SCARA5: variants seen among roughly 807,000 people sequenced by gnomAD.
SCARA5 encodes the protein scavenger receptor class A, member 5 (putative).
SCARA5 carries 45 observed loss-of-function variants against 46.3 expected under a neutral mutation model. The ratio of observed to expected loss-of-function variants is 0.97; its 90% CI spans 0.76 to 1.24. The LOEUF is 1.24. Among genes scored for constraint, SCARA5 ranks in the 50% most tolerant of loss-of-function variants. SCARA5 has a pLI of 0.00. For synonymous variants in SCARA5, 333 were observed against 306.5 expected (o/e 1.09, Z -0.90); for missense variants, 680 against 689.0 (o/e 0.99, Z 0.15).
chr8:27,917,184 C>T (rs1350935186), intron 4 of SCARA5, among the ~76,000 whole-genome samples: 1 of 152,204 alleles, frequency 6.6e-6, no homozygotes, highest in Admixed American at 6.5e-5. Flanking sequence ...CAGATGGATA[C>T]ACCCATCAAG....
chr8:27,977,242 G>T (rs1056349434), intron 2 of SCARA5, among the ~76,000 whole-genome samples: 1 of 152,136 alleles, frequency 6.6e-6, no homozygotes, highest in East Asian at 1.9e-4. Flanking sequence ...ATCACTTTGG[G>T]CATTAGGATT....
chr8:27,961,057 T>C (rs1343964926), intron 3 of SCARA5, among the ~76,000 whole-genome samples: 1 of 152,212 alleles, frequency 6.6e-6, no homozygotes, highest in East Asian at 1.9e-4. Flanking sequence ...GGCTAAACCC[T>C]AGGTTATGCT....
At chr8:27,986,383 C>T (rs1401215522) in intron 2 of SCARA5, among the ~76,000 whole-genome samples, 1 of 152,226 alleles carries the variant, frequency 6.6e-6, no homozygotes, top group African/African-American at 2.4e-5. Context: ...CAGTTGTTCC[C>T]ATGCCAGCCT....
intron 2 of SCARA5, among the ~76,000 whole-genome samples, chr8:27,970,735 A>G (rs1808435700): frequency 6.6e-6 from 1 of 151,996 alleles, no homozygotes; most frequent in Non-Finnish European, 1.5e-5. Flanking sequence ...GAACCCTCCA[A>G]TTTTGGGGCT....
chr8:27,944,988 A>C (rs2129881751), intron 3 of SCARA5, among the ~76,000 whole-genome samples: 1 of 152,232 alleles, frequency 6.6e-6, no homozygotes, highest in Middle Eastern at 3.4e-3. Flanking sequence ...CAACATGGCA[A>C]AACCATCTCT....
At chr8:27,931,210 G>C (rs978696999) in intron 3 of SCARA5, among the ~76,000 whole-genome samples, 1 of 152,246 alleles carries the variant, frequency 6.6e-6, no homozygotes, top group Non-Finnish European at 1.5e-5. Context: ...GAGAAAACCA[G>C]GGCCTGCACT....
chr8:27,991,891 GCA>G (rs941352664), intron 1 of SCARA5, among the ~76,000 whole-genome samples: 10 of 149,828 alleles, frequency 6.7e-5, no homozygotes, highest in South Asian at 2.1e-4. Context: ...ACACACACAT[GCA>G]CACACACACA....
Position 27,921,990 on chromosome 8 carries a change from G to T in SCARA5, c.497C>A (p.Ala166Glu). ...CGTGCGGTCCCGCAGCAGGGCCACC[G>T]CCTGCTCGGTCTGCACCGCCTGCGC... ...LQAQAVQTEQ[A>E]VALLRDRTGQ... Residue 166 changes from alanine (A) to glutamate (E), a missense_variant, in exon 4 of 9, where the codon GCG (alanine) becomes GAG (glutamate). By Grantham distance (107) the Ala-to-Glu change is moderately radical. Around this residue, in one of 3 missense-constraint regions of SCARA5, gnomAD observed 438 missense variants for 384.5 expected, o/e 1.14. Coordinates refer to ENST00000354914, the MANE Select transcript of SCARA5 (RefSeq NM_173833.6). 6.4e-7 allele frequency: 1 copy of T among 1,552,988 alleles called. No homozygotes were observed. Among genetic ancestry groups the T allele is most frequent in the Non-Finnish European group, 8.6e-7 (1 of 1,158,020 alleles).
At chr8:27,916,018 T>G (rs986046360) in intron 4 of SCARA5, among the ~76,000 whole-genome samples, 1 of 152,228 alleles carries the variant, frequency 6.6e-6, no homozygotes, top group Non-Finnish European at 1.5e-5. Flanking sequence ...TGTGATGATC[T>G]AAGTTCTCTG....
chr8:27,887,360 C>T (rs1332233649), intron 7 of SCARA5, among the ~76,000 whole-genome samples: 1 of 152,114 alleles, frequency 6.6e-6, no homozygotes, highest in African/African-American at 2.4e-5. Context: ...CACACTTTTC[C>T]TCTTGTTCTG....
chr8:27,974,271 C>T lies in SCARA5; in HGVS notation c.113-7729G>A, dbSNP rs145049157. Among the ~76,000 whole-genome samples the T allele has an allele frequency of 2.8e-4, 42 of 152,288 alleles. No individual in the cohort carries two copies. The East Asian group carries it at 7.9e-3, about 29-fold the overall frequency. Reference sequence around the variant, plus strand: ...CTGTGAGAACCATGAGCGAGTATTCCAGCAGTCCCCTTCATCAAAATGTCC... The same window carrying T: ...CTGTGAGAACCATGAGCGAGTATTCTAGCAGTCCCCTTCATCAAAATGTCC... On this transcript the variant is annotated intron_variant, in intron 2 of 8. Coordinates refer to ENST00000354914, the MANE Select transcript of SCARA5 (RefSeq NM_173833.6).
At chr8:27,968,466 A>G (rs1159386618) in intron 2 of SCARA5, among the ~76,000 whole-genome samples, 4 of 152,092 alleles carry the variant, frequency 2.6e-5, no homozygotes, top group African/African-American at 4.8e-5. Context: ...TTTACCATAC[A>G]CTAGGCTCTA....
chr8:27,918,646 GGAGGAAAAGGAAGAT>G (rs1807511682), intron 4 of SCARA5, among the ~76,000 whole-genome samples: 38 of 1,210 alleles, frequency 0.031, no homozygotes, highest in Non-Finnish European at 0.041. Flanking sequence ...AAGATGAGGA[GGAGGAAAAGGAAGAT>G]GAGGAGGAAA....
intron 5 of SCARA5, among the ~76,000 whole-genome samples, chr8:27,908,352 G>T (rs558170146): frequency 5.9e-5 from 9 of 152,288 alleles, no homozygotes; most frequent in African/African-American, 2.2e-4. Flanking sequence ...TGACGGTGCC[G>T]GCGCCATGCA....
intron 3 of SCARA5, among the ~76,000 whole-genome samples, chr8:27,941,895 C>T (rs774796284): frequency 2.3e-4 from 35 of 151,440 alleles, no homozygotes; most frequent in African/African-American, 5.8e-4. Flanking sequence ...GATGTGATCT[C>T]GGCTCACTGC....
intron 7 of SCARA5, among the ~76,000 whole-genome samples, chr8:27,890,421 T>TA (rs527503173): frequency 6.6e-6 from 1 of 152,244 alleles, no homozygotes; most frequent in African/African-American, 2.4e-5. Context: ...GCACATATAC[T>TA]ATTTTCCCTT....
At chr8:27,985,298 G>T (rs1424206030) in intron 2 of SCARA5, among the ~76,000 whole-genome samples, 1 of 152,036 alleles carries the variant, frequency 6.6e-6, no homozygotes, top group East Asian at 1.9e-4. Flanking sequence ...GTGGGAGGGG[G>T]CAGTAATGCA....
chr8:27,879,232 A>C (rs1806770555), intron 8 of SCARA5, among the ~76,000 whole-genome samples: 1 of 152,234 alleles, frequency 6.6e-6, no homozygotes, highest in African/African-American at 2.4e-5. Flanking sequence ...TAATAGAGAC[A>C]TGAGAGCACG....
intron 3 of SCARA5, among the ~76,000 whole-genome samples, chr8:27,947,623 T>C (rs1808058584): frequency 6.7e-6 from 1 of 149,548 alleles, no homozygotes; most frequent in Admixed American, 6.7e-5. Flanking sequence ...AATAAACCAG[T>C]CATAAAGGCT....
Sources: allele counts gnomAD v4.1 joint callset (sites outside exome capture counted in the v4.1 genomes callset), GRCh38; gene constraint gnomAD v4.1.1; regional missense constraint gnomAD v4.1.1; transcripts MANE v1.5; gene names NCBI Gene and HGNC (gene_info 2026-07-23, HGNC 2026-07-21).